VWA3A: variants seen among roughly 807,000 people sequenced by gnomAD.
The protein encoded by VWA3A is von Willebrand factor A domain containing 3A, also known as von Willebrand factor A domain-containing protein 3A.
Under a neutral mutation model 160.4 loss-of-function variants are expected in VWA3A, and 134 were observed. The observed-to-expected ratio is 0.84, with a 90% CI of 0.73 to 0.96. The LOEUF is 0.96. VWA3A is among the 40% of genes least tolerant of loss of function. VWA3A has a pLI of 0.00. For missense variants in VWA3A, 1,310 were observed against 1,447.9 expected, an observed-to-expected ratio of 0.90 and a Z score of 1.55; for synonymous variants, 476 against 543.4, an observed-to-expected ratio of 0.88 and a Z score of 1.72.
chr16:22,123,597 G>T lies in VWA3A; in HGVS notation c.1438-16G>T, dbSNP rs1245150771. On this transcript the variant is annotated splice_polypyrimidine_tract_variant and intron_variant, in intron 15 of 33. Coordinates refer to ENST00000389398, the MANE Select transcript of VWA3A (RefSeq NM_173615.5). ...AGCCTTTGAGCAGCCGCTCACTGTG[G>T]CCCACACTTCTGCAGCAACAGCTCA... 1 of 1,613,736 alleles carries T rather than the reference G, an allele frequency of 6.2e-7. No individual in the cohort carries two copies. Among genetic ancestry groups the T allele is most frequent in the African/African-American group, 1.3e-5 (1 of 74,902 alleles).
At position 22,102,576 on chromosome 16, in the gene VWA3A, C is replaced by T. The variant is rs1359518191; in HGVS notation, c.429-899C>T. On this transcript the variant is annotated intron_variant, in intron 5 of 33. Transcript: ENST00000389398. Reference sequence around the variant, plus strand: ...CCTTGTGCATATGATATATGCTAGTCTTCAACCAGTCATTGCAAGCCAGGC... The same window carrying T: ...CCTTGTGCATATGATATATGCTAGTTTTCAACCAGTCATTGCAAGCCAGGC... Among the ~76,000 whole-genome samples the T allele has an allele frequency of 4.6e-5, 7 of 152,240 alleles. No homozygotes were observed. The East Asian group carries it at 1.4e-3, about 29-fold the overall frequency.
At position 22,140,142 on chromosome 16, in the gene VWA3A, C is replaced by A; in HGVS notation, c.2293-12C>A. ...AACACTCCTCTGATGGGAAAGATTG[C>A]CTGTTTTCTAGAGCATTAAAGATGA... is the stretch of plus-strand genomic sequence containing the variant. On this transcript the variant is annotated splice_polypyrimidine_tract_variant and intron_variant, in intron 22 of 33. Coordinates refer to ENST00000389398, the MANE Select transcript of VWA3A (RefSeq NM_173615.5). The A allele has an allele frequency of 6.2e-7, 1 of 1,611,808 alleles. No homozygotes were observed. Among genetic ancestry groups the A allele is most frequent in the Middle Eastern group, 1.6e-4 (1 of 6,062 alleles).
chr16:22,110,796 C>T (rs1385598171), intron 7 of VWA3A, 92 bp from the exon 8 acceptor site: 2 of 1,233,096 alleles, frequency 1.6e-6, no homozygotes, highest in Admixed American at 4.8e-5. Context: ...AGCTCACACC[C>T]AGCCCAGAGG....
At chr16:22,139,056 G>A (rs2046096805) in intron 22 of VWA3A, among the ~76,000 whole-genome samples, 1 of 152,114 alleles carries the variant, frequency 6.6e-6, no homozygotes, top group South Asian at 2.1e-4. Context: ...AGCAGACTGG[G>A]AGGGACACCT....
intron 3 of VWA3A, among the ~76,000 whole-genome samples, chr16:22,098,851 G>C (rs1598042963): frequency 7.0e-6 from 1 of 143,776 alleles, no homozygotes; most frequent in South Asian, 2.2e-4. Flanking sequence ...TAGATGAGAG[G>C]ATCGCTTGAG....
chr16:22,143,760 T>C (rs1456854461), intron 25 of VWA3A, among the ~76,000 whole-genome samples: 1 of 151,596 alleles, frequency 6.6e-6, no homozygotes, highest in Non-Finnish European at 1.5e-5. Flanking sequence ...TTTTTTTTTT[T>C]TTTTGAGACA....
chr16:22,142,984 T>C (rs1474263749), intron 25 of VWA3A, among the ~76,000 whole-genome samples: 1 of 152,006 alleles, frequency 6.6e-6, no homozygotes, highest in Non-Finnish European at 1.5e-5. Flanking sequence ...ACCCCATCTC[T>C]ACTAAAAGTA....
At chr16:22,141,878 A>G (rs1030087549) in intron 24 of VWA3A, among the ~76,000 whole-genome samples, 186 bp downstream of exon 24, 1 of 152,214 alleles carries the variant, frequency 6.6e-6, no homozygotes, top group African/African-American at 2.4e-5. Context: ...AGTTTTGACA[A>G]CAACCAGGGA....
intron 9 of VWA3A, among the ~76,000 whole-genome samples, chr16:22,115,824 G>C (rs2045621461): frequency 7.6e-6 from 1 of 131,240 alleles, no homozygotes; most frequent in Non-Finnish European, 1.7e-5. Flanking sequence ...GCAACAGAGT[G>C]AGACCCAGGG....
In VWA3A at chr16:22,155,908, TG is replaced by T; in HGVS notation, c.*7del. Reference sequence around the variant, plus strand: ...CAAAGGTCACTCTTTCCTAGAGAAGTGTTCTCAGGTAAGGGGAGGGGCTAGA... The same window carrying T: ...CAAAGGTCACTCTTTCCTAGAGAAGTTTCTCAGGTAAGGGGAGGGGCTAGA... On this transcript the variant is annotated 3_prime_UTR_variant, in exon 33 of 34. Coordinates refer to ENST00000389398, the MANE Select transcript of VWA3A (RefSeq NM_173615.5). 6.2e-7 allele frequency: 1 copy of T among 1,613,952 alleles called. No individual in the cohort carries two copies. Among genetic ancestry groups the T allele is most frequent in the Non-Finnish European group, 8.5e-7 (1 of 1,179,886 alleles).
At chr16:22,139,142 C>G (rs1396162851) in intron 22 of VWA3A, among the ~76,000 whole-genome samples, 1 of 152,148 alleles carries the variant, frequency 6.6e-6, no homozygotes, top group Non-Finnish European at 1.5e-5. Context: ...CCATCCCAGA[C>G]AGTAGGTAGC....
At chr16:22,106,475 G>A (rs2045483804) in intron 6 of VWA3A, among the ~76,000 whole-genome samples, 1 of 152,088 alleles carries the variant, frequency 6.6e-6, no homozygotes, top group South Asian at 2.1e-4. Flanking sequence ...GAAAGTGTGG[G>A]GGTAAGCCCT....
At chr16:22,143,851 C>T (rs2046198731) in intron 25 of VWA3A, among the ~76,000 whole-genome samples, 1 of 151,810 alleles carries the variant, frequency 6.6e-6, no homozygotes, top group Non-Finnish European at 1.5e-5. Context: ...AACGATTCTC[C>T]TGCCTCAGCC....
At chr16:22,120,057 C>T (rs568038717) in intron 12 of VWA3A, among the ~76,000 whole-genome samples, 3 of 151,972 alleles carry the variant, frequency 2.0e-5, no homozygotes, top group African/African-American at 4.8e-5. Context: ...ATTAAGTCCT[C>T]ATTATGAGAT....
rs764543039 is a variant in VWA3A, at chr16:22,150,744, G to T, written c.3179G>T (p.Gly1060Val). ...GAAGGATTGTACCTCCTGACCGACG[G>T]AAAGCCAGACACAAGCTGCAGCCTT... is the stretch of plus-strand genomic sequence containing the variant. ...DLEGLYLLTD[G>V]KPDTSCSLVL... Residue 1060 changes from glycine to valine, a missense_variant, in exon 30 of 34, where the codon GGA becomes GTA. Gly to Val is a moderately radical substitution (Grantham distance 109). Coordinates refer to ENST00000389398, the MANE Select transcript of VWA3A (RefSeq NM_173615.5). 27 of 1,612,408 alleles carry T rather than the reference G, an allele frequency of 1.7e-5. No individual in the cohort carries two copies. In the African/African-American group the frequency reaches 3.5e-4, roughly 21 times the overall value.
intron 17 of VWA3A, among the ~76,000 whole-genome samples, chr16:22,129,429 G>T (rs1018961421): frequency 7.1e-6 from 1 of 141,066 alleles, no homozygotes. Flanking sequence ...AAAGAAAGAG[G>T]TGCATGGAAG....
chr16:22,122,304 G>C (rs2045754900), intron 14 of VWA3A, among the ~76,000 whole-genome samples: 1 of 151,628 alleles, frequency 6.6e-6, no homozygotes, highest in African/African-American at 2.4e-5. Flanking sequence ...TGGATGGATG[G>C]ATGGATGCAT....
chr16:22,139,731 G>A (rs1430530597), intron 22 of VWA3A, among the ~76,000 whole-genome samples: 1 of 151,968 alleles, frequency 6.6e-6, no homozygotes, highest in Non-Finnish European at 1.5e-5. Flanking sequence ...AAACTGAGGT[G>A]CCTGATAAGG....
In VWA3A at chr16:22,151,789, T is replaced by A. The variant is rs182675132; in HGVS notation, c.3282-722T>A. On this transcript the variant is annotated intron_variant, in intron 30 of 33. Coordinates refer to ENST00000389398, the MANE Select transcript of VWA3A (RefSeq NM_173615.5). The stretch of plus-strand genomic sequence containing the variant: ...CTTCAAAAAAAAAAAAACTTTATTA[T>A]TAGCAAAACAGACTGCATAGGGACA... 1.4e-4 allele frequency among the ~76,000 whole-genome samples: 22 copies of A among 152,304 alleles called. No individual in the cohort carries two copies. In the East Asian group the frequency reaches 4.0e-3, roughly 28 times the overall value.
Sources: gnomAD v4.1 joint callset for allele counts (sites outside exome capture counted in the v4.1 genomes callset) on GRCh38, gnomAD v4.1.1 for gene constraint, MANE v1.5 for transcripts, NCBI Gene and HGNC (gene_info 2026-07-23, HGNC 2026-07-21) for gene names.